The following UBE2E2 variants were observed in gnomAD, a reference collection of about 807,000 sequenced individuals.
The protein encoded by UBE2E2 is ubiquitin conjugating enzyme E2 E2.
A neutral mutation model predicts 24.7 loss-of-function variants in UBE2E2; 6 were observed. The ratio of observed to expected loss-of-function variants is 0.24; its 90% CI spans 0.13 to 0.48. The LOEUF (loss-of-function observed/expected upper bound fraction) is 0.48. Ranked by LOEUF, UBE2E2 falls within the 20% of genes least tolerant of loss-of-function variation. The pLI is 0.99. For missense variants in UBE2E2, 169 were observed against 245.0 expected, an observed-to-expected ratio of 0.69 and a Z score of 2.07; for synonymous variants, 104 against 83.6, an observed-to-expected ratio of 1.24 and a Z score of -1.33.
At chr3:23,331,509 AG>A (rs151075787) in intron 3 of UBE2E2, among the ~76,000 whole-genome samples, 3,813 of 144,090 alleles carry the variant, frequency 0.026, 160 homozygotes, top group African/African-American at 0.09. Flanking sequence ...GGGGGCAGGG[AG>A]GGGGGTAAGG....
At chr3:23,457,834 C>T (rs1559389513) in intron 3 of UBE2E2, among the ~76,000 whole-genome samples, 1 of 152,226 alleles carries the variant, frequency 6.6e-6, no homozygotes, top group African/African-American at 2.4e-5. Flanking sequence ...CTGCAGTTTT[C>T]TTACTCTCTT....
Position 23,589,931 on chromosome 3 carries a change from A to T in UBE2E2, c.*100A>T, listed in dbSNP as rs570467230. The T allele has an allele frequency of 4.4e-6, 5 of 1,130,034 alleles. No individual in the cohort carries two copies. The African/African-American group carries it at 4.7e-5, about 11-fold the overall frequency. 70.0% of individuals were successfully genotyped at this position (1,130,034 alleles called of 1,614,324 possible). A position where few individuals can be genotyped will look rare whatever the true frequency, so the allele number is the denominator to read the frequency against. On this transcript the variant is annotated 3_prime_UTR_variant, in exon 6 of 6. Transcript: ENST00000396703. The surrounding 1 kb of genome is among the most constrained non-coding windows in gnomAD (Gnocchi z 4.1). ...TCCAGACCTCGGTTCTTATTTTCCT[A>T]TTTTTATTAAATTTGGAACCATTTT...
At chr3:23,216,606 T>A (rs1696482670) in intron 2 of UBE2E2, among the ~76,000 whole-genome samples, 1 of 152,184 alleles carries the variant, frequency 6.6e-6, no homozygotes, top group Non-Finnish European at 1.5e-5. Flanking sequence ...AGCCTTTTTG[T>A]ATGTACATAG....
chr3:23,456,545 A>G (rs955132196), intron 3 of UBE2E2, among the ~76,000 whole-genome samples: 6 of 152,220 alleles, frequency 3.9e-5, no homozygotes, highest in African/African-American at 1.4e-4. Flanking sequence ...TATGAAAGCA[A>G]CATTCATCTC....
intron 3 of UBE2E2, among the ~76,000 whole-genome samples, chr3:23,398,170 A>C (rs1346062704): frequency 6.6e-6 from 1 of 151,928 alleles, no homozygotes; most frequent in East Asian, 1.9e-4. Context: ...AAATTTAGCC[A>C]GGTTTGGTGG....
chr3:23,437,550 TTCA>T (rs1401210143), intron 3 of UBE2E2, among the ~76,000 whole-genome samples: 1 of 152,230 alleles, frequency 6.6e-6, no homozygotes, highest in East Asian at 1.9e-4. Context: ...GACCTTCATC[TTCA>T]TCATTAAGGG....
intron 3 of UBE2E2, among the ~76,000 whole-genome samples, chr3:23,464,915 C>G (rs1432246911): frequency 1.3e-5 from 2 of 152,108 alleles, no homozygotes; most frequent in Non-Finnish European, 2.9e-5. Context: ...ATAAAATTAG[C>G]AATGTAGAAG....
chr3:23,566,453 G>A (rs564156167), intron 5 of UBE2E2, among the ~76,000 whole-genome samples: 1 of 152,270 alleles, frequency 6.6e-6, no homozygotes, highest in South Asian at 2.1e-4. Context: ...CCAGACATGT[G>A]TTAGTCCATT....
intron 5 of UBE2E2, among the ~76,000 whole-genome samples, chr3:23,585,464 G>A (rs1696605618): frequency 6.6e-6 from 1 of 151,630 alleles, no homozygotes; most frequent in Admixed American, 6.6e-5. Context: ...CCATCTCTAT[G>A]ATATTCTGTT....
intron 3 of UBE2E2, among the ~76,000 whole-genome samples, chr3:23,369,955 T>C (rs1696361318): frequency 6.6e-6 from 1 of 152,196 alleles, no homozygotes. Flanking sequence ...GAAATCTTTA[T>C]TTTACATCTG....
chr3:23,305,027 AT>A (rs1260213887), intron 3 of UBE2E2, among the ~76,000 whole-genome samples: 1 of 152,204 alleles, frequency 6.6e-6, no homozygotes, highest in Non-Finnish European at 1.5e-5. Flanking sequence ...AAAAAGTATC[AT>A]TTTTAAGTAA....
intron 5 of UBE2E2, among the ~76,000 whole-genome samples, chr3:23,582,362 G>A (rs1408728621): frequency 1.3e-5 from 2 of 152,096 alleles, no homozygotes; most frequent in African/African-American, 4.8e-5. Context: ...TAGGGCCATG[G>A]TGAACATACA....
At chr3:23,292,712 G>A (rs1162823520) in intron 3 of UBE2E2, among the ~76,000 whole-genome samples, 1 of 152,210 alleles carries the variant, frequency 6.6e-6, no homozygotes, top group Admixed American at 6.5e-5. Context: ...CTTAATGCCT[G>A]TGTGGCCATT....
At chr3:23,311,447 A>T (rs1417621992) in intron 3 of UBE2E2, among the ~76,000 whole-genome samples, 1 of 152,202 alleles carries the variant, frequency 6.6e-6, no homozygotes, top group African/African-American at 2.4e-5. Flanking sequence ...GAACCACCAC[A>T]CTGTCTTCCA....
chr3:23,450,280 A>G (rs1698533405), intron 3 of UBE2E2, among the ~76,000 whole-genome samples: 1 of 152,162 alleles, frequency 6.6e-6, no homozygotes, highest in Non-Finnish European at 1.5e-5. Flanking sequence ...GCACTGATGG[A>G]AATGTTCTCT....
chr3:23,219,899 A>C (rs1396259723), intron 3 of UBE2E2, among the ~76,000 whole-genome samples: 1 of 151,990 alleles, frequency 6.6e-6, no homozygotes, highest in Non-Finnish European at 1.5e-5. Flanking sequence ...TTCCACTTTG[A>C]GTGTGGTTTA....
intron 3 of UBE2E2, among the ~76,000 whole-genome samples, chr3:23,459,592 G>C (rs1455908927): frequency 6.6e-6 from 1 of 152,166 alleles, no homozygotes; most frequent in Admixed American, 6.5e-5. Flanking sequence ...TGAACAGTAG[G>C]AGGGCTATAT....
chr3:23,488,134 T>G (rs1699416311), intron 3 of UBE2E2, among the ~76,000 whole-genome samples: 1 of 152,198 alleles, frequency 6.6e-6, no homozygotes, highest in Non-Finnish European at 1.5e-5. Context: ...TTGAGTGTCT[T>G]GTAGATATTT....
At chr3:23,322,991 T>A (rs1232963435) in intron 3 of UBE2E2, among the ~76,000 whole-genome samples, 1 of 151,970 alleles carries the variant, frequency 6.6e-6, no homozygotes, top group African/African-American at 2.4e-5. Flanking sequence ...AAACATAAAA[T>A]CACTTGTCAA....
Sources: gnomAD v4.1 joint callset for allele counts (sites outside exome capture counted in the v4.1 genomes callset) on GRCh38, gnomAD v4.1.1 for gene constraint, Gnocchi (gnomAD v3.1) non-coding constraint, MANE v1.5 for transcripts, NCBI Gene and HGNC (gene_info 2026-07-23, HGNC 2026-07-21) for gene names.